The following TANGO6 variants were observed in gnomAD, a reference collection of about 807,000 sequenced individuals.
TANGO6 encodes the protein transport and golgi organization 6 homolog, also known as transport and Golgi organization protein 6 homolog.
In TANGO6, 90 loss-of-function variants were observed where a neutral mutation model predicts 114.2. The observed-to-expected ratio is 0.79, with a 90% CI of 0.66 to 0.94. The LOEUF (loss-of-function observed/expected upper bound fraction) is 0.94. Ranked by LOEUF, TANGO6 falls within the 40% of genes least tolerant of loss-of-function variation. The probability of loss-of-function intolerance (pLI) is 0.00; values close to 1 mark genes in which losing one functional copy is unlikely to be tolerated. For synonymous variants in TANGO6, 477 were observed against 509.8 expected (o/e 0.94, Z 0.87); for missense variants, 1,274 against 1,315.3 (o/e 0.97, Z 0.49).
chr16:68,886,492 G>A (rs965598664), intron 7 of TANGO6, among the ~76,000 whole-genome samples: 6 of 151,042 alleles, frequency 4.0e-5, no homozygotes, highest in African/African-American at 1.5e-4. Context: ...CCTCCTCACC[G>A]ATCTCATCTC....
chr16:68,860,546 G>A, intron 2 of TANGO6, 22 bp downstream of exon 2: 1 of 1,604,756 alleles, frequency 6.2e-7, no homozygotes, highest in Middle Eastern at 1.7e-4. Flanking sequence ...TTGAGAAAGA[G>A]AGAGGGAGAG....
rs375757932 is a variant in TANGO6 at position 69,083,588 on chromosome 16, A to G, written c.3212A>G (p.Glu1071Gly). The G allele has an allele frequency of 6.6e-5, 106 of 1,600,458 alleles. No homozygotes were observed. Among genetic ancestry groups the G allele is most frequent in the Admixed American group, 2.4e-4 (14 of 57,660 alleles). ...AKLHAQLALE[E>G]LDDIMKNFLF... Reference sequence around the variant, plus strand: ...CTCCATGCCCAGTTGGCCCTAGAAGAGCTGGATGACATCATGAAAAACTTC... The same window carrying G: ...CTCCATGCCCAGTTGGCCCTAGAAGGGCTGGATGACATCATGAAAAACTTC... The change falls in exon 18 of 18, where the codon GAG becomes GGG. Residue 1071 changes from glutamate to glycine, a missense_variant. Glu to Gly is a moderately conservative substitution (Grantham distance 98). Around this residue, in one of 5 missense-constraint regions of TANGO6, gnomAD observed 238 missense variants for 252.9 expected, o/e 0.94. Transcript: ENST00000261778.
intron 17 of TANGO6, among the ~76,000 whole-genome samples, chr16:69,057,292 C>T (rs1960048211): frequency 6.6e-6 from 1 of 152,058 alleles, no homozygotes; most frequent in Admixed American, 6.6e-5. Flanking sequence ...CTACACAAAA[C>T]ACTTTTATTT....
At chr16:69,040,168 T>C in intron 16 of TANGO6, 140 bp from the exon 17 acceptor site, 1 of 686,936 alleles carries the variant, frequency 1.5e-6, no homozygotes, top group South Asian at 1.9e-5. Flanking sequence ...ACCCTCTTTG[T>C]TGAGGATTAA....
chr16:69,053,476 GT>G (rs1238787231), intron 17 of TANGO6, among the ~76,000 whole-genome samples: 1 of 152,098 alleles, frequency 6.6e-6, no homozygotes, highest in Non-Finnish European at 1.5e-5. Context: ...TTTGCTGAAA[GT>G]TTATAAATCT....
At chr16:68,907,154 A>G (rs551247378) in intron 9 of TANGO6, among the ~76,000 whole-genome samples, 2 of 104,202 alleles carry the variant, frequency 1.9e-5, no homozygotes, top group Non-Finnish European at 3.7e-5. Context: ...TCATTGTGTT[A>G]GCCAGGATGG....
chr16:68,865,753 C>CAAAAAAAA (rs367608096), intron 3 of TANGO6, among the ~76,000 whole-genome samples: 4 of 115,064 alleles, frequency 3.5e-5, no homozygotes, highest in African/African-American at 1.2e-4. Context: ...ACTAAAAATA[C>CAAAAAAAA]AAAAAAAAAA....
intron 16 of TANGO6, among the ~76,000 whole-genome samples, chr16:69,030,255 G>A (rs1959573423): frequency 6.6e-6 from 1 of 152,068 alleles, no homozygotes; most frequent in South Asian, 2.1e-4. Flanking sequence ...TTCTGGGCAT[G>A]GGTAATCTGG....
chr16:68,891,286 C>G (rs1962612682), intron 7 of TANGO6, among the ~76,000 whole-genome samples: 2 of 139,358 alleles, frequency 1.4e-5, no homozygotes, highest in African/African-American at 5.7e-5. Flanking sequence ...GAGCAAAACT[C>G]CATCTCAAAA....
intron 15 of TANGO6, among the ~76,000 whole-genome samples, chr16:69,011,968 C>G (rs898077192): frequency 6.6e-6 from 1 of 152,208 alleles, no homozygotes; most frequent in Admixed American, 6.5e-5. Context: ...TTTCAGCTCT[C>G]TCACTTGATT....
intron 3 of TANGO6, among the ~76,000 whole-genome samples, chr16:68,865,522 A>T (rs559956748): frequency 8.5e-5 from 13 of 152,332 alleles, no homozygotes; most frequent in African/African-American, 2.6e-4. Context: ...CCTCAGCAAT[A>T]AGGGACACCA....
At chr16:68,954,773 G>A (rs762902970) in intron 14 of TANGO6, among the ~76,000 whole-genome samples, 43 of 152,076 alleles carry the variant, frequency 2.8e-4, no homozygotes, top group Admixed American at 8.5e-4. Flanking sequence ...AGATTAAAAA[G>A]GTAAAAAACC....
chr16:68,978,703 C>T, intron 15 of TANGO6, among the ~76,000 whole-genome samples: 1 of 152,090 alleles, frequency 6.6e-6, no homozygotes, highest in South Asian at 2.1e-4. Context: ...CCACCCCTAC[C>T]TCTTCTCTGC....
intron 14 of TANGO6, among the ~76,000 whole-genome samples, chr16:68,969,400 C>T (rs1385889062): frequency 1.3e-5 from 2 of 152,028 alleles, no homozygotes; most frequent in African/African-American, 4.8e-5. Context: ...CAGTCTTAAC[C>T]ATCATGTATG....
intron 14 of TANGO6, among the ~76,000 whole-genome samples, chr16:68,963,181 A>T (rs932422353): frequency 6.7e-6 from 1 of 149,734 alleles, no homozygotes; most frequent in Non-Finnish European, 1.5e-5. Flanking sequence ...CAGTGCAGTG[A>T]TGCAATCTCA....
At chr16:69,000,125 G>A (rs1180611757) in intron 15 of TANGO6, among the ~76,000 whole-genome samples, 1 of 152,162 alleles carries the variant, frequency 6.6e-6, no homozygotes, top group Non-Finnish European at 1.5e-5. Context: ...TACTGATAAT[G>A]TACACTAAGT....
At chr16:68,955,524 C>A (rs975124618) in intron 14 of TANGO6, among the ~76,000 whole-genome samples, 1 of 152,198 alleles carries the variant, frequency 6.6e-6, no homozygotes, top group African/African-American at 2.4e-5. Context: ...GAAGCTGTTA[C>A]TTGCAGCACT....
At chr16:68,942,862 T>A (rs933686869) in intron 14 of TANGO6, among the ~76,000 whole-genome samples, 1 of 152,058 alleles carries the variant, frequency 6.6e-6, no homozygotes, top group Admixed American at 6.6e-5. Flanking sequence ...GCCTCTGAAA[T>A]ATGAATCTGA....
chr16:69,073,649 A>G (rs1960329263), intron 17 of TANGO6, among the ~76,000 whole-genome samples: 1 of 152,132 alleles, frequency 6.6e-6, no homozygotes, highest in South Asian at 2.1e-4. Context: ...TTCCTTGCCC[A>G]AAGACAGGTT....
Sources: allele counts gnomAD v4.1 joint callset (sites outside exome capture counted in the v4.1 genomes callset), GRCh38; gene constraint gnomAD v4.1.1; regional missense constraint gnomAD v4.1.1; transcripts MANE v1.5; gene names NCBI Gene and HGNC (gene_info 2026-07-23, HGNC 2026-07-21).